The following SDCCAG8 variants were observed in gnomAD, a reference collection of about 807,000 sequenced individuals.
SDCCAG8 encodes SHH signaling and ciliogenesis regulator SDCCAG8, also known as serologically defined colon cancer antigen 8.
In SDCCAG8, 74 loss-of-function variants were observed where a neutral mutation model predicts 101.8. The ratio of observed to expected loss-of-function variants is 0.73; its 90% CI spans 0.60 to 0.88. The LOEUF (loss-of-function observed/expected upper bound fraction) is 0.88. Ranked by LOEUF, SDCCAG8 falls within the 40% of genes least tolerant of loss-of-function variation. The pLI is 0.00. For missense variants in SDCCAG8, 787 were observed against 822.6 expected (o/e 0.96, Z 0.53); for synonymous variants, 281 against 292.9 (o/e 0.96, Z 0.41).
chr1:243,495,579 G>A (rs1423326440), intron 17 of SDCCAG8, among the ~76,000 whole-genome samples: 6 of 152,212 alleles, frequency 3.9e-5, no homozygotes, highest in East Asian at 1.9e-4. Context: ...GGCCTGACCC[G>A]GAGGGGACGA....
At chr1:243,297,524 C>T (rs1329107177) in intron 6 of SDCCAG8, among the ~76,000 whole-genome samples, 3 of 151,672 alleles carry the variant, frequency 2.0e-5, no homozygotes, top group Non-Finnish European at 4.4e-5. Flanking sequence ...TATCAGTTTA[C>T]ACTCCTACCC....
intron 16 of SDCCAG8, among the ~76,000 whole-genome samples, chr1:243,476,998 G>A (rs1574275709): frequency 9.3e-6 from 1 of 107,018 alleles, no homozygotes; most frequent in South Asian, 3.0e-4. Flanking sequence ...AACTGGTTCT[G>A]TACACACACA....
At chr1:243,329,751 T>C (rs1371247236) in intron 9 of SDCCAG8, among the ~76,000 whole-genome samples, 2 of 152,188 alleles carry the variant, frequency 1.3e-5, no homozygotes, top group African/African-American at 4.8e-5. Flanking sequence ...CCTCCCCAAA[T>C]TGGGATTTTT....
At chr1:243,298,645 A>G (rs2071201866) in intron 6 of SDCCAG8, among the ~76,000 whole-genome samples, 1 of 152,082 alleles carries the variant, frequency 6.6e-6, no homozygotes, top group African/African-American at 2.4e-5. Flanking sequence ...ATTTAGATCT[A>G]CAACCTACCT....
At chr1:243,299,650 G>A (rs2071298715) in intron 6 of SDCCAG8, among the ~76,000 whole-genome samples, 1 of 152,112 alleles carries the variant, frequency 6.6e-6, no homozygotes, top group South Asian at 2.1e-4. Flanking sequence ...CTAACCTCAG[G>A]TGATCCGCCT....
At chr1:243,319,438 A>G (rs1405725442) in intron 9 of SDCCAG8, among the ~76,000 whole-genome samples, 1 of 152,140 alleles carries the variant, frequency 6.6e-6, no homozygotes, top group Non-Finnish European at 1.5e-5. Flanking sequence ...CAATGGCGCA[A>G]TCTCAGCTCA....
rs780484792 is a variant in SDCCAG8 at position 243,385,261 on chromosome 1, G to A, written c.1616+6398G>A. On this transcript the variant is annotated intron_variant, in intron 13 of 17. Coordinates refer to ENST00000366541, the MANE Select transcript of SDCCAG8 (RefSeq NM_006642.5). ...AAACATTAGCTGGGCATGGTGGTGCGCGCCTATAGTCCCAGCTGCTCTGGA... is the reference window on the plus strand; with the variant it reads ...AAACATTAGCTGGGCATGGTGGTGCACGCCTATAGTCCCAGCTGCTCTGGA... Among the ~76,000 whole-genome samples the A allele has an allele frequency of 5.9e-5, 9 of 151,774 alleles. No homozygotes were observed. The East Asian group carries it at 7.8e-4, about 13-fold the overall frequency.
rs951295161 is a variant in SDCCAG8 at position 243,316,853 on chromosome 1, T to C, written c.1028T>C (p.Val343Ala). The change falls in exon 9 of 18, where the codon GTT becomes GCT. Residue 343 changes from valine to alanine, a missense_variant. Val to Ala is a moderately conservative substitution (Grantham distance 64). Transcript: ENST00000366541. ...EASAYEQVKQ[V>A]LQISEEANFE... is the part of the protein sequence containing the mutation. ...AGTGCTTATGAACAGGTGAAACAAG[T>C]TTTGCAAATATCTGAGGAAGCCAAT... The C allele has an allele frequency of 1.9e-6, 3 of 1,614,166 alleles. No individual in the cohort carries two copies. The highest frequency in any genetic ancestry group is 3.3e-4 in the Middle Eastern group (2 of 6,062).
chr1:243,447,777 T>C (rs1209721797), intron 16 of SDCCAG8, among the ~76,000 whole-genome samples: 1 of 152,240 alleles, frequency 6.6e-6, no homozygotes, highest in East Asian at 1.9e-4. Flanking sequence ...AAAATTTAAG[T>C]TATAGTTCAA....
At chr1:243,349,791 T>C (rs2075979581) in intron 12 of SDCCAG8, among the ~76,000 whole-genome samples, 1 of 152,190 alleles carries the variant, frequency 6.6e-6, no homozygotes, top group Admixed American at 6.5e-5. Context: ...GTTCCAATTT[T>C]ATTTTTCAGA....
chr1:243,402,215 G>A (rs1160868323), intron 13 of SDCCAG8, among the ~76,000 whole-genome samples: 1 of 152,080 alleles, frequency 6.6e-6, no homozygotes, highest in Admixed American at 6.5e-5. Flanking sequence ...ATCATTTGAG[G>A]TCAGGAGTTT....
chr1:243,483,797 T>A (rs1242633816), intron 16 of SDCCAG8, among the ~76,000 whole-genome samples: 1 of 152,106 alleles, frequency 6.6e-6, no homozygotes, highest in Admixed American at 6.5e-5. Context: ...CGGATTCCAG[T>A]CCACTGCCAG....
intron 16 of SDCCAG8, among the ~76,000 whole-genome samples, chr1:243,447,583 G>C (rs927533066): frequency 3.9e-5 from 6 of 152,030 alleles, no homozygotes; most frequent in African/African-American, 1.4e-4. Flanking sequence ...AAAGGGGTGG[G>C]GCAGCACTTT....
chr1:243,445,224 C>A (rs775035067), intron 16 of SDCCAG8, among the ~76,000 whole-genome samples: 5 of 152,104 alleles, frequency 3.3e-5, no homozygotes, highest in Non-Finnish European at 7.4e-5. Flanking sequence ...TCAGAAGAGG[C>A]CTGAAAGATT....
At chr1:243,491,963 G>C (rs1666530580) in intron 17 of SDCCAG8, among the ~76,000 whole-genome samples, 1 of 152,118 alleles carries the variant, frequency 6.6e-6, no homozygotes, top group Admixed American at 6.6e-5. Context: ...GAAGAGAATG[G>C]GTCGGGCAAT....
At chr1:243,323,379 C>T (rs531262795) in intron 9 of SDCCAG8, among the ~76,000 whole-genome samples, 16 of 152,062 alleles carry the variant, frequency 1.1e-4, no homozygotes, top group Non-Finnish European at 2.1e-4. Context: ...TCTTCTCATC[C>T]CTCGAATGTC....
intron 16 of SDCCAG8, among the ~76,000 whole-genome samples, chr1:243,443,095 A>G (rs905746710): frequency 6.6e-6 from 1 of 152,270 alleles, no homozygotes; most frequent in African/African-American, 2.4e-5. Context: ...TTTTCAAAAT[A>G]GTTCCCTCAT....
intron 13 of SDCCAG8, among the ~76,000 whole-genome samples, chr1:243,394,323 G>A (rs541184568): frequency 4.6e-5 from 7 of 152,298 alleles, no homozygotes; most frequent in African/African-American, 1.7e-4. Flanking sequence ...TGATATAGCA[G>A]CACATTAGTA....
intron 13 of SDCCAG8, among the ~76,000 whole-genome samples, chr1:243,396,530 A>C (rs1346549145): frequency 6.6e-6 from 1 of 152,234 alleles, no homozygotes; most frequent in Non-Finnish European, 1.5e-5. Flanking sequence ...CTTTCAGTGT[A>C]AAATTTCTTA....
Sources: gnomAD v4.1 joint callset for allele counts (sites outside exome capture counted in the v4.1 genomes callset) on GRCh38, gnomAD v4.1.1 for gene constraint, MANE v1.5 for transcripts, NCBI Gene and HGNC (gene_info 2026-07-23, HGNC 2026-07-21) for gene names.